GPC6: variants seen among roughly 807,000 people sequenced by gnomAD.
The protein encoded by GPC6 is glypican-6.
In GPC6, 14 loss-of-function variants were observed where a neutral mutation model predicts 55.2. That is an observed-to-expected ratio of 0.25 (90% CI 0.17 to 0.40). GPC6 has a LOEUF of 0.40. GPC6 is among the 10% of genes least tolerant of loss of function. The probability of loss-of-function intolerance (pLI) is 1.00; values close to 1 mark genes in which losing one functional copy is unlikely to be tolerated. For synonymous variants in GPC6, 278 were observed against 259.6 expected (o/e 1.07, Z -0.68); for missense variants, 641 against 708.5 (o/e 0.90, Z 1.08).
chr13:93,597,505 A>G (rs923559413), intron 2 of GPC6, among the ~76,000 whole-genome samples: 1 of 152,158 alleles, frequency 6.6e-6, no homozygotes, highest in Non-Finnish European at 1.5e-5. Context: ...TCAAACATTT[A>G]TGAATTACAG....
At chr13:94,379,148 G>A (rs1243868607) in intron 6 of GPC6, among the ~76,000 whole-genome samples, 1 of 152,114 alleles carries the variant, frequency 6.6e-6, no homozygotes, top group Non-Finnish European at 1.5e-5. Context: ...AATAAAATGA[G>A]AAAAACATTT....
At chr13:93,751,980 G>A (rs1884609480) in intron 2 of GPC6, among the ~76,000 whole-genome samples, 1 of 151,802 alleles carries the variant, frequency 6.6e-6, no homozygotes, top group Non-Finnish European at 1.5e-5. Flanking sequence ...ATTCTCTCAG[G>A]CTGTATTTTC....
chr13:93,777,247 G>A (rs1418693732), intron 2 of GPC6, among the ~76,000 whole-genome samples: 4 of 152,130 alleles, frequency 2.6e-5, no homozygotes, highest in African/African-American at 9.7e-5. Flanking sequence ...CCCGTCTCCT[G>A]TTTTCTTACG....
intron 4 of GPC6, among the ~76,000 whole-genome samples, chr13:94,128,441 G>A (rs932692773): frequency 1.2e-4 from 18 of 152,136 alleles, no homozygotes; most frequent in African/African-American, 3.6e-4. Flanking sequence ...AAACAATGCA[G>A]TTTCTTTTCT....
chr13:93,920,065 C>T (rs182468724), intron 3 of GPC6, among the ~76,000 whole-genome samples: 8 of 152,184 alleles, frequency 5.3e-5, no homozygotes, highest in African/African-American at 1.9e-4. Flanking sequence ...CCTCTGTGGT[C>T]CCTGGTAACT....
rs1421766361 is a variant in GPC6, at chr13:93,496,963, A to G, written c.161-48300A>G. On this transcript the variant is annotated intron_variant, in intron 1 of 8. Transcript: ENST00000377047. ...TTCCTGATCTAAACATTGCTAGGCA[A>G]TTGGAGGATTATGAACACCAACCCA... is the stretch of plus-strand genomic sequence containing the variant. Among the ~76,000 whole-genome samples, 3 of 152,274 alleles carry G rather than the reference A, an allele frequency of 2.0e-5. No individual in the cohort carries two copies. The East Asian group carries it at 5.8e-4, about 29-fold the overall frequency.
intron 1 of GPC6, among the ~76,000 whole-genome samples, chr13:93,490,809 G>T (rs1256645417): frequency 9.3e-6 from 1 of 108,100 alleles, no homozygotes; most frequent in African/African-American, 3.4e-5. Context: ...TGAGAATGAT[G>T]GTTTCCAATT....
chr13:93,516,371 G>T (rs1881191910), intron 1 of GPC6, among the ~76,000 whole-genome samples: 1 of 152,046 alleles, frequency 6.6e-6, no homozygotes, highest in African/African-American at 2.4e-5. Context: ...CATCAAATAT[G>T]GTCTTGGGGT....
At chr13:93,446,569 T>C (rs552923353) in intron 1 of GPC6, among the ~76,000 whole-genome samples, 1 of 152,270 alleles carries the variant, frequency 6.6e-6, no homozygotes, top group Non-Finnish European at 1.5e-5. Context: ...GTGGCATGTC[T>C]ACAGGAATAA....
At chr13:93,312,328 G>A (rs1353378082) in intron 1 of GPC6, among the ~76,000 whole-genome samples, 13 of 152,118 alleles carry the variant, frequency 8.5e-5, no homozygotes, top group Admixed American at 8.5e-4. Flanking sequence ...TATATAGTGT[G>A]CATTAAAGGG....
intron 4 of GPC6, among the ~76,000 whole-genome samples, chr13:94,181,828 G>C (rs560296260): frequency 4.6e-5 from 7 of 152,304 alleles, no homozygotes; most frequent in African/African-American, 1.7e-4. Flanking sequence ...ACCACTACCT[G>C]TTATTTATTG....
intron 4 of GPC6, among the ~76,000 whole-genome samples, chr13:94,093,875 G>A (rs1163559954): frequency 6.6e-6 from 1 of 152,020 alleles, no homozygotes; most frequent in African/African-American, 2.4e-5. Flanking sequence ...AGTATTCAGT[G>A]TACATGCAGA....
chr13:93,419,211 A>G (rs12856213), intron 1 of GPC6, among the ~76,000 whole-genome samples: 7,905 of 151,580 alleles, frequency 0.052, 304 homozygotes, highest in Non-Finnish European at 0.078. Context: ...ACATCTGGGT[A>G]AAAATGGGAC....
At chr13:93,840,019 G>T (rs1411005414) in intron 3 of GPC6, among the ~76,000 whole-genome samples, 1 of 152,048 alleles carries the variant, frequency 6.6e-6, no homozygotes, top group Non-Finnish European at 1.5e-5. Flanking sequence ...TCTCTATCTT[G>T]TGGAATAGTG....
rs1158898530 is a variant in GPC6 at position 93,435,292 on chromosome 13, A to G, written c.161-109971A>G. On this transcript the variant is annotated intron_variant, in intron 1 of 8. Transcript: ENST00000377047. ...ACCATGCCCAGCTATTATTATTATT[A>G]TTATTTAGTGACGGATTTTTGCTGT... is the stretch of plus-strand genomic sequence containing the variant. 2.0e-5 allele frequency among the ~76,000 whole-genome samples: 3 copies of G among 151,436 alleles called. No homozygotes were observed. In the South Asian group the frequency reaches 6.3e-4, roughly 32 times the overall value.
intron 6 of GPC6, among the ~76,000 whole-genome samples, chr13:94,365,937 C>A (rs1337434615): frequency 6.6e-6 from 1 of 152,174 alleles, no homozygotes; most frequent in Non-Finnish European, 1.5e-5. Flanking sequence ...ATAACGAATT[C>A]TAAAATATTC....
intron 1 of GPC6, among the ~76,000 whole-genome samples, chr13:93,498,965 C>T (rs533136093): frequency 6.6e-6 from 1 of 152,002 alleles, no homozygotes; most frequent in African/African-American, 2.4e-5. Flanking sequence ...ATATAGAAAG[C>T]CTTGTGTTTT....
chr13:93,567,847 C>G (rs1475524951), intron 2 of GPC6, among the ~76,000 whole-genome samples: 3 of 152,058 alleles, frequency 2.0e-5, no homozygotes, highest in African/African-American at 7.2e-5. Flanking sequence ...CCTAGTTATT[C>G]TATAGAAATT....
chr13:94,011,052 ACTATCATGATATG>A (rs1882225688), intron 3 of GPC6, among the ~76,000 whole-genome samples: 1 of 152,156 alleles, frequency 6.6e-6, no homozygotes, highest in Admixed American at 6.5e-5. Flanking sequence ...CTATTGATAT[ACTATCATGATATG>A]CAATAACGCA....
Sources: gnomAD v4.1 joint callset for allele counts (sites outside exome capture counted in the v4.1 genomes callset) on GRCh38, gnomAD v4.1.1 for gene constraint, MANE v1.5 for transcripts, NCBI Gene and HGNC (gene_info 2026-07-23, HGNC 2026-07-21) for gene names.